The following DAB1 variants were observed in gnomAD, a reference collection of about 807,000 sequenced individuals.
The protein encoded by DAB1 is DAB adaptor protein 1, also known as disabled homolog 1.
DAB1 carries 15 observed loss-of-function variants against 64.6 expected under a neutral mutation model. The ratio of observed to expected loss-of-function variants is 0.23; its 90% CI spans 0.16 to 0.36. DAB1 has a LOEUF of 0.36. Among genes scored for constraint, DAB1 ranks in the 10% least tolerant of loss-of-function variants. DAB1 has a pLI of 1.00. For synonymous variants in DAB1, 235 were observed against 251.9 expected, an observed-to-expected ratio of 0.93 and a Z score of 0.64; for missense variants, 596 against 706.7, an observed-to-expected ratio of 0.84 and a Z score of 1.78.
At chr1:57,720,393 T>C (rs10889068) in intron 6 of DAB1, among the ~76,000 whole-genome samples, 35,097 of 152,162 alleles carry the variant, frequency 0.23, 4,237 homozygotes, top group East Asian at 0.4. Flanking sequence ...TTATGTCTTA[T>C]TGCCTTCAGT....
chr1:57,484,704 C>T (rs1644067444), intron 7 of DAB1, among the ~76,000 whole-genome samples: 1 of 151,884 alleles, frequency 6.6e-6, no homozygotes, highest in Non-Finnish European at 1.5e-5. Context: ...ATATAGATGG[C>T]ATTTAAATTC....
At chr1:58,075,559 C>T (rs1156572295) in intron 5 of DAB1, among the ~76,000 whole-genome samples, 1 of 152,170 alleles carries the variant, frequency 6.6e-6, no homozygotes, top group Non-Finnish European at 1.5e-5. Flanking sequence ...AGGAGCAAAA[C>T]CTGTGTAGTA....
At chr1:57,920,942 G>A (rs894982849) in intron 5 of DAB1, among the ~76,000 whole-genome samples, 2 of 147,250 alleles carry the variant, frequency 1.4e-5, no homozygotes, top group African/African-American at 5.3e-5. Context: ...CTACTTCTAG[G>A]TATTTATTCT....
chr1:57,169,764 G>T (rs916445967), intron 2 of DAB1, among the ~76,000 whole-genome samples: 3 of 152,084 alleles, frequency 2.0e-5, no homozygotes, highest in Non-Finnish European at 4.4e-5. Context: ...CCTTTTAGGT[G>T]GTTAAGTCAG....
At chr1:58,168,214 G>A (rs113947503) in intron 4 of DAB1, among the ~76,000 whole-genome samples, 31 of 152,268 alleles carry the variant, frequency 2.0e-4, no homozygotes, top group African/African-American at 7.2e-4. Flanking sequence ...GCTCTTCAGA[G>A]TTGGGAGCGC....
intron 5 of DAB1, chr1:58,079,929 G>C (rs1649893922): frequency 2.0e-5 from 3 of 152,140 alleles, no homozygotes; most frequent in Admixed American, 2.0e-4. Context: ...GCACATAGGT[G>C]CTTCATAAGT....
chr1:57,176,970 T>TACAAAAA lies in DAB1; in HGVS notation c.68-31542_68-31541insTTTTTGT, dbSNP rs146465598. Among the ~76,000 whole-genome samples, 24 of 61,050 alleles carry TACAAAAA rather than the reference T, an allele frequency of 3.9e-4. 3 individuals carry two copies. The highest frequency in any genetic ancestry group is 7.4e-4 in the African/African-American group (19 of 25,684). 40.1% of individuals were successfully genotyped at this position (61,050 alleles called of 152,430 possible). The stretch of plus-strand genomic sequence containing the variant: ...GATAAAAAAAAGAAGCAGCAGCAGA[T>TACAAAAA]ATAAAAAAAAAAAAAAAAAAAAGCC... On this transcript the variant is annotated intron_variant, in intron 2 of 14. Transcript: ENST00000371236.
At chr1:57,977,163 C>T (rs537831244) in intron 5 of DAB1, among the ~76,000 whole-genome samples, 70 of 152,260 alleles carry the variant, frequency 4.6e-4, no homozygotes, top group African/African-American at 1.3e-3. Flanking sequence ...TATCCTATGC[C>T]TCAGCCAATC....
chr1:58,219,803 A>G (rs1659062301), intron 4 of DAB1, among the ~76,000 whole-genome samples: 1 of 152,154 alleles, frequency 6.6e-6, no homozygotes, highest in Non-Finnish European at 1.5e-5. Flanking sequence ...ACACATCACA[A>G]TTGTAATTGA....
chr1:57,465,400 C>G (rs1259230969), intron 7 of DAB1, among the ~76,000 whole-genome samples: 5 of 152,172 alleles, frequency 3.3e-5, no homozygotes, highest in African/African-American at 1.2e-4. Flanking sequence ...TGTGGTAGCA[C>G]ATACAATGTG....
At chr1:58,117,843 T>C (rs6659516) in intron 5 of DAB1, among the ~76,000 whole-genome samples, 1 of 51,610 alleles carries the variant, frequency 1.9e-5, no homozygotes, top group Non-Finnish European at 3.1e-5. Context: ...TCATGCTTTG[T>C]TTTTTTTTTT....
chr1:58,204,246 G>C (rs1260904137), intron 4 of DAB1, among the ~76,000 whole-genome samples: 1 of 152,156 alleles, frequency 6.6e-6, no homozygotes, highest in African/African-American at 2.4e-5. Context: ...TTGGTTGGGA[G>C]GGAGTTAAAT....
chr1:57,912,044 G>C (rs1351857518), intron 5 of DAB1, among the ~76,000 whole-genome samples: 2 of 152,204 alleles, frequency 1.3e-5, no homozygotes, highest in African/African-American at 2.4e-5. Context: ...AAAGCCTGAG[G>C]GGGAGGGGAG....
chr1:57,888,206 G>A (rs1219160840), upstream of DAB1, among the ~76,000 whole-genome samples: 1 of 152,078 alleles, frequency 6.6e-6, no homozygotes, highest in Non-Finnish European at 1.5e-5. Flanking sequence ...GAAATTTTAT[G>A]GTGGGTGACT....
chr1:57,899,486 C>T (rs1352761947), intron 5 of DAB1, among the ~76,000 whole-genome samples: 1 of 152,080 alleles, frequency 6.6e-6, no homozygotes. Context: ...TTAGGGCACA[C>T]AGAATTTTAA....
rs993947005 is a variant in DAB1 at position 58,509,758 on chromosome 1, GA to G, written n.108-3550del. On this transcript the variant is annotated intron_variant and non_coding_transcript_variant, in intron 2 of 20. Transcript: ENST00000485760. ...CAAAACTGACAAGTCGTTAGAGTAA[GA>G]AAAAAAAAGACTTAAGTGAACAAAA... is the stretch of plus-strand genomic sequence containing the variant. 1.3e-4 allele frequency among the ~76,000 whole-genome samples: 20 copies of G among 149,952 alleles called. 1 individual carries two copies. Among genetic ancestry groups the G allele is most frequent in the Admixed American group, 4.0e-4 (6 of 15,030 alleles).
chr1:57,157,894 G>A (rs1460113668), intron 2 of DAB1, among the ~76,000 whole-genome samples: 1 of 152,164 alleles, frequency 6.6e-6, no homozygotes, highest in Non-Finnish European at 1.5e-5. Context: ...TTGGAGGAAA[G>A]AACTGCAACA....
intron 4 of DAB1, among the ~76,000 whole-genome samples, chr1:57,099,476 G>A (rs562982754): frequency 6.6e-6 from 1 of 152,338 alleles, no homozygotes; most frequent in East Asian, 1.9e-4. Context: ...GTAAATGAAT[G>A]AAACACTAAT....
At chr1:58,234,448 C>T (rs1159569986) in intron 4 of DAB1, among the ~76,000 whole-genome samples, 1 of 152,210 alleles carries the variant, frequency 6.6e-6, no homozygotes, top group South Asian at 2.1e-4. Flanking sequence ...GAGTGGGAAA[C>T]AGCCATGCGG....
Sources: gnomAD v4.1 joint callset for allele counts (sites outside exome capture counted in the v4.1 genomes callset) on GRCh38, gnomAD v4.1.1 for gene constraint, MANE v1.5 for transcripts, NCBI Gene and HGNC (gene_info 2026-07-23, HGNC 2026-07-21) for gene names.